The following SH2D4A variants were observed in gnomAD, a reference collection of about 807,000 sequenced individuals.
SH2D4A encodes SH2 domain containing 4A, also known as SH2 domain-containing protein 4A.
A neutral mutation model predicts 64.7 loss-of-function variants in SH2D4A; 70 were observed. The observed-to-expected ratio is 1.08, with a 90% CI of 0.89 to 1.32. SH2D4A has a LOEUF of 1.32. Ranked by LOEUF, SH2D4A falls within the 40% of genes most tolerant of loss-of-function variation. The pLI is 0.00. For missense variants in SH2D4A, 706 were observed against 540.1 expected (o/e 1.31, Z -3.04); for synonymous variants, 268 against 200.7 (o/e 1.34, Z -2.83).
Position 19,333,023 on chromosome 8 carries a change from C to G in SH2D4A, c.250C>G (p.His84Asp), listed in dbSNP as rs765284139. 1.9e-6 allele frequency: 3 copies of G among 1,614,036 alleles called. No individual in the cohort carries two copies. Among genetic ancestry groups the G allele is most frequent in the Non-Finnish European group, 2.5e-6 (3 of 1,179,988 alleles). ...AGTCTGGGTATGGGTGATGGGCGAA[C>G]ACCATCTAGATAAACCCTATGATGT... is the stretch of plus-strand genomic sequence containing the variant. ...KEVWVWVMGE[H>D]HLDKPYDVLC... is the part of the protein sequence containing the mutation. Residue 84 changes from histidine (H) to aspartate (D), a missense_variant, in exon 3 of 10, where the codon CAC (histidine) becomes GAC (aspartate). His to Asp is a moderately conservative substitution (Grantham distance 81). Transcript: ENST00000265807.
chr8:19,333,288 T>G (rs928645859), intron 3 of SH2D4A, among the ~76,000 whole-genome samples, 174 bp downstream of exon 3: 6 of 152,164 alleles, frequency 3.9e-5, no homozygotes, highest in Non-Finnish European at 5.9e-5. Context: ...TCTAAAGACC[T>G]TTTGGATCTC....
At chr8:19,321,057 A>G (rs1009968480) in intron 2 of SH2D4A, among the ~76,000 whole-genome samples, 1 of 152,168 alleles carries the variant, frequency 6.6e-6, no homozygotes, top group African/African-American at 2.4e-5. Context: ...TCCTCTTGTT[A>G]TGATCAATAC....
At chr8:19,386,021 A>G (rs1411696536) in intron 8 of SH2D4A, among the ~76,000 whole-genome samples, 3 of 152,158 alleles carry the variant, frequency 2.0e-5, no homozygotes, top group Admixed American at 2.0e-4. Flanking sequence ...CCTCATTTAC[A>G]TGGATGACTC....
intron 7 of SH2D4A, among the ~76,000 whole-genome samples, chr8:19,372,125 G>A (rs1421332652): frequency 6.6e-6 from 1 of 152,110 alleles, no homozygotes; most frequent in Non-Finnish European, 1.5e-5. Flanking sequence ...TAAGGATTAG[G>A]CTTTTATTCC....
intron 2 of SH2D4A, among the ~76,000 whole-genome samples, chr8:19,322,038 C>T (rs183266483): frequency 7.9e-5 from 12 of 152,246 alleles, no homozygotes; most frequent in African/African-American, 1.9e-4. Flanking sequence ...CAATATCTCA[C>T]GTCAAAAGTG....
In SH2D4A at chr8:19,314,119, T is replaced by C; in HGVS notation, c.-205+296T>C. The C allele has an allele frequency of 5.9e-5, 13 of 218,684 alleles. 1 individual carries two copies. Among genetic ancestry groups the C allele is most frequent in the Non-Finnish European group, 8.9e-5 (12 of 134,664 alleles). The allele number at this position is 218,684 out of a possible 1,614,324, so 13.5% of individuals were successfully genotyped here. A position where few individuals can be genotyped will look rare whatever the true frequency, so the allele number is the denominator to read the frequency against. On this transcript the variant is annotated intron_variant, in intron 1 of 9. Transcript: ENST00000265807. Reference sequence around the variant, plus strand: ...CCGGGGCCTGGGGGCTTGCAGGGGGTGGCGGGGGAACTTCGAGGGAGAGGG... The same window carrying C: ...CCGGGGCCTGGGGGCTTGCAGGGGGCGGCGGGGGAACTTCGAGGGAGAGGG...
intron 9 of SH2D4A, 135 bp downstream of exon 9, chr8:19,393,676 A>C (rs1431458698): frequency 1.3e-6 from 1 of 776,600 alleles, no homozygotes; most frequent in African/African-American, 1.8e-5. Flanking sequence ...TGTCTTTGAT[A>C]ATTCTTCCTG....
intron 2 of SH2D4A, among the ~76,000 whole-genome samples, chr8:19,325,433 T>C (rs987390662): frequency 6.6e-6 from 1 of 152,226 alleles, no homozygotes; most frequent in Non-Finnish European, 1.5e-5. Context: ...GAGTTAGGAT[T>C]TGAACTCAGA....
At chr8:19,389,343 C>T (rs527668970) in intron 8 of SH2D4A, among the ~76,000 whole-genome samples, 26 of 152,288 alleles carry the variant, frequency 1.7e-4, no homozygotes, top group African/African-American at 3.4e-4. Flanking sequence ...TTTAGAGCTA[C>T]GCTGTCCAGT....
At chr8:19,356,307 A>G (rs2052790488) in intron 4 of SH2D4A, among the ~76,000 whole-genome samples, 2 of 152,232 alleles carry the variant, frequency 1.3e-5, no homozygotes, top group African/African-American at 4.8e-5. Context: ...TGCAGTAATG[A>G]TCCTCTGTAC....
chr8:19,377,913 A>G (rs2053224445), intron 8 of SH2D4A, among the ~76,000 whole-genome samples: 1 of 152,190 alleles, frequency 6.6e-6, no homozygotes, highest in African/African-American at 2.4e-5. Flanking sequence ...TGATTATACC[A>G]GTATATACTC....
chr8:19,332,639 T>C (rs886296930), intron 2 of SH2D4A, among the ~76,000 whole-genome samples: 1 of 138,602 alleles, frequency 7.2e-6, no homozygotes, highest in South Asian at 2.2e-4. Flanking sequence ...GAGGTTGCAG[T>C]GAGCCAAGAT....
chr8:19,323,483 C>G (rs142024634), intron 2 of SH2D4A, among the ~76,000 whole-genome samples: 1 of 151,422 alleles, frequency 6.6e-6, no homozygotes, highest in African/African-American at 2.4e-5. Context: ...TAAATTCTAG[C>G]GATTCTCCTT....
chr8:19,322,106 C>T (rs1166828137), intron 2 of SH2D4A, among the ~76,000 whole-genome samples: 7 of 152,180 alleles, frequency 4.6e-5, no homozygotes, highest in Admixed American at 4.6e-4. Context: ...ATTAGTTCCT[C>T]TTCTGACTAC....
At chr8:19,379,579 T>A (rs767478325) in intron 8 of SH2D4A, among the ~76,000 whole-genome samples, 1 of 152,202 alleles carries the variant, frequency 6.6e-6, no homozygotes, top group Admixed American at 6.5e-5. Flanking sequence ...GGTTGAACTT[T>A]ATAGAAACTG....
intron 4 of SH2D4A, among the ~76,000 whole-genome samples, chr8:19,347,120 C>T (rs1563194983): frequency 6.6e-6 from 1 of 152,180 alleles, no homozygotes; most frequent in African/African-American, 2.4e-5. Context: ...TGAAGTGATG[C>T]TCTGCTTAAT....
chr8:19,376,416 G>T (rs545353059), intron 8 of SH2D4A, among the ~76,000 whole-genome samples: 11 of 152,118 alleles, frequency 7.2e-5, no homozygotes, highest in African/African-American at 2.7e-4. Context: ...GAGGTCAGGA[G>T]TTTGAGACCA....
At chr8:19,393,572 C>G in intron 9 of SH2D4A, 31 bp downstream of exon 9, 1 of 1,601,582 alleles carries the variant, frequency 6.2e-7, no homozygotes, top group Non-Finnish European at 8.5e-7. Context: ...AATTTGCCTT[C>G]TGAGTTACTG....
At chr8:19,315,247 C>T (rs867001524) in intron 1 of SH2D4A, among the ~76,000 whole-genome samples, 2 of 152,166 alleles carry the variant, frequency 1.3e-5, no homozygotes, top group African/African-American at 4.8e-5. Flanking sequence ...GAGATCCCCC[C>T]ACCTCAACCT....
Sources: gnomAD v4.1 joint callset for allele counts (sites outside exome capture counted in the v4.1 genomes callset) on GRCh38, gnomAD v4.1.1 for gene constraint, MANE v1.5 for transcripts, NCBI Gene and HGNC (gene_info 2026-07-23, HGNC 2026-07-21) for gene names.